The following MPV17 variants were observed in gnomAD, a reference collection of about 807,000 sequenced individuals.
MPV17 encodes the protein MPV17, mitochondrial inner membrane protein.
Under a neutral mutation model 28.6 loss-of-function variants are expected in MPV17, and 31 were observed. The ratio of observed to expected loss-of-function variants is 1.08; its 90% CI spans 0.81 to 1.46. The LOEUF (loss-of-function observed/expected upper bound fraction) is 1.46. Ranked by LOEUF, MPV17 falls within the 40% of genes most tolerant of loss-of-function variation. The pLI, the probability that MPV17 is intolerant of heterozygous loss-of-function variation, is 0.00. For missense variants in MPV17, 198 were observed against 216.2 expected (o/e 0.92, Z 0.53); for synonymous variants, 87 against 85.3 (o/e 1.02, Z -0.11).
intron 2 of MPV17, among the ~76,000 whole-genome samples, chr2:27,321,670 T>A (rs1679865095): frequency 6.6e-6 from 1 of 152,210 alleles, no homozygotes; most frequent in African/African-American, 2.4e-5. Flanking sequence ...AAAATGAAGA[T>A]GGTAACAAAT....
At chr2:27,322,824 G>T (rs2148225925) in intron 1 of MPV17, among the ~76,000 whole-genome samples, 1 of 152,232 alleles carries the variant, frequency 6.6e-6, no homozygotes, top group East Asian at 1.9e-4. Flanking sequence ...AGACACTCAT[G>T]AGGACAGCTT....
At chr2:27,316,025 T>C in intron 2 of MPV17, 2 of 1,546,884 alleles carry the variant, frequency 1.3e-6, no homozygotes, top group Non-Finnish European at 1.7e-6. Context: ...GAGGCCCCTG[T>C]GGCTGCTCCC....
intron 2 of MPV17, among the ~76,000 whole-genome samples, chr2:27,318,771 TC>T (rs1679750496): frequency 6.7e-6 from 1 of 150,316 alleles, no homozygotes; most frequent in Non-Finnish European, 1.5e-5. Flanking sequence ...TCTTTTCTTT[TC>T]TTTTTTTTTG....
chr2:27,310,594 G>T (rs540936343), intron 7 of MPV17, among the ~76,000 whole-genome samples: 1 of 152,330 alleles, frequency 6.6e-6, no homozygotes, highest in Admixed American at 6.5e-5. Context: ...GATCTGTCTT[G>T]TACCAGCTGA....
At chr2:27,319,273 G>A (rs954036278) in intron 2 of MPV17, among the ~76,000 whole-genome samples, 3 of 151,616 alleles carry the variant, frequency 2.0e-5, no homozygotes, top group Admixed American at 6.6e-5. Context: ...TCCATGTTCA[G>A]ATTATGGCAA....
At chr2:27,315,050 T>C (rs1262317521) in intron 2 of MPV17, among the ~76,000 whole-genome samples, 1 of 152,056 alleles carries the variant, frequency 6.6e-6, no homozygotes, top group African/African-American at 2.4e-5. Context: ...ACTCCCAAAG[T>C]GGTGGGGGTC....
rs146502189 is a variant in MPV17, at chr2:27,322,314, G to T, written c.70+134C>A. 2.6e-3 allele frequency: 2,129 copies of T among 832,554 alleles called. 39 individuals are homozygous for T. The East Asian group carries it at 0.041, about 16-fold the overall frequency. The allele number at this position is 832,554 out of a possible 1,614,324, so 51.6% of individuals were successfully genotyped here. On this transcript the variant is annotated intron_variant, in intron 2 of 7. Transcript: ENST00000380044. ...CACCCTCCAAAACAGACTGGGGACA[G>T]TGTAGGATGAAAGACAGCCAACCCT...
intron 7 of MPV17, chr2:27,311,697 C>A: frequency 6.4e-7 from 1 of 1,551,112 alleles, no homozygotes; most frequent in South Asian, 1.2e-5. Flanking sequence ...TGAAGAAGGT[C>A]AGTGGGCAGA....
chr2:27,312,026 C>T, intron 6 of MPV17, 75 bp from the exon 7 acceptor site: 1 of 1,558,366 alleles, frequency 6.4e-7, no homozygotes, highest in Non-Finnish European at 8.8e-7. Context: ...CCTGGCCCTA[C>T]CCCAACTTCT....
intron 7 of MPV17, chr2:27,311,544 C>A: frequency 6.6e-7 from 1 of 1,518,036 alleles, no homozygotes; most frequent in Non-Finnish European, 8.9e-7. Context: ...TCTGACCAGG[C>A]TCCTACTTGG....
chr2:27,310,490 A>C (rs186110272), intron 7 of MPV17, among the ~76,000 whole-genome samples: 2 of 152,340 alleles, frequency 1.3e-5, no homozygotes, highest in Non-Finnish European at 2.9e-5. Flanking sequence ...CCTGGCTGAG[A>C]GCCTCAAAGG....
At position 27,322,462 on chromosome 2, in the gene MPV17, TG is replaced by T. The variant is rs2148225515; in HGVS notation, c.55del (p.Gln19ArgfsTer3). On this transcript the variant is annotated frameshift_variant, in exon 2 of 8. Coordinates refer to ENST00000380044, the MANE Select transcript of MPV17 (RefSeq NM_002437.5). LOFTEE classifies it high-confidence loss of function. ...GGGACACTCACCAGCTGTCAGGACC[TG>T]TACTTTCCACGGGTGAGCGGCCAGG... ...RALAAHPWKV[Q>X]VLTAGSLMGL... is the part of the protein sequence containing the mutation. The T allele has an allele frequency of 6.2e-7, 1 of 1,614,072 alleles. No homozygotes were observed. The highest frequency in any genetic ancestry group is 1.1e-5 in the South Asian group (1 of 91,084).
intron 2 of MPV17, among the ~76,000 whole-genome samples, chr2:27,314,280 G>A (rs373169699): frequency 1.3e-5 from 2 of 152,186 alleles, no homozygotes; most frequent in South Asian, 2.1e-4. Flanking sequence ...CAGTGATCAC[G>A]CCATTACACT....
At position 27,313,000 on chromosome 2, in the gene MPV17, GC is replaced by G. The variant is rs1558599953; in HGVS notation, c.179del (p.Gly60AlafsTer7). On this transcript the variant is annotated frameshift_variant, in exon 3 of 8. Transcript: ENST00000380044. LOFTEE classifies it high-confidence loss of function. ...TGTTGAGGGGAGAACTTACCACAAA[GC>G]CACAGCCCAGGGACACCATGGTCAG... ...RTLTMVSLGC[G>X]FVGPVVGGWY... 6.2e-7 allele frequency: 1 copy of G among 1,614,196 alleles called. No homozygotes were observed. The highest frequency in any genetic ancestry group is 1.7e-5 in the Admixed American group (1 of 60,028).
rs1362329825 is a variant in MPV17 at position 27,312,712 on chromosome 2, C to G, written c.247G>C (p.Val83Leu). Residue 83 changes from valine to leucine, a missense_variant, in exon 4 of 8, where the codon GTG becomes CTG. Val to Leu is a conservative substitution (Grantham distance 32, BLOSUM62 1). Coordinates refer to ENST00000380044, the MANE Select transcript of MPV17 (RefSeq NM_002437.5). ...AACAACATCTTCTTCAGTGCATCCA[C>G]TTTGGTGGTGCCAGGGATGAACCGA... ...LDRFIPGTTKVDALKKMLLDQ... is the reference protein window; with the variant it reads ...LDRFIPGTTKLDALKKMLLDQ... 3.1e-6 allele frequency: 5 copies of G among 1,614,138 alleles called. No homozygotes were observed. In the Admixed American group the frequency reaches 5.0e-5, roughly 16 times the overall value.
intron 7 of MPV17, chr2:27,311,670 G>A (rs1380547213): frequency 1.3e-6 from 2 of 1,550,854 alleles, no homozygotes; most frequent in Admixed American, 3.9e-5. Flanking sequence ...GTAGAAGCAG[G>A]ATCCTCCCTA....
rs1043635802 is a variant in MPV17, at chr2:27,322,263, T to C, written c.70+185A>G. On this transcript the variant is annotated intron_variant, in intron 2 of 7. Coordinates refer to ENST00000380044, the MANE Select transcript of MPV17 (RefSeq NM_002437.5). ...ACTGCACAGCTTGGCCAACTACGCA[T>C]ACCCCTTAAAAACAGCCTTGGGGAC... 4 of 660,886 alleles carry C rather than the reference T, an allele frequency of 6.1e-6. No homozygotes were observed. In the African/African-American group the frequency reaches 7.1e-5, roughly 12 times the overall value. The allele number at this position is 660,886 out of a possible 1,614,324, so 40.9% of individuals were successfully genotyped here.
At chr2:27,322,661 T>C (rs1238447080) in intron 1 of MPV17, 139 bp from the exon 2 acceptor site, 1 of 698,146 alleles carries the variant, frequency 1.4e-6, no homozygotes, top group Non-Finnish European at 2.5e-6. Context: ...ACATGAAGGA[T>C]GCTTCCCAGA....
At position 27,312,547 on chromosome 2, in the gene MPV17, C is replaced by A. The variant is rs1172816470; in HGVS notation, c.322G>T (p.Val108Leu). Residue 108 changes from valine to leucine, a missense_variant, in exon 5 of 8, where the codon GTA becomes TTA. By Grantham distance (32) the Val-to-Leu change is conservative (BLOSUM62 1). Transcript: ENST00000380044. Reference protein sequence around the residue: ...PCFLGCFLPLVGALNGLSAQD... With the variant: ...PCFLGCFLPLLGALNGLSAQD... ...GCTGACAGTCCATTAAGTGCCCCTA[C>A]CAGTGGGAGAAAGCAGCCTAGAAAA... is the stretch of plus-strand genomic sequence containing the variant. The A allele has an allele frequency of 6.2e-7, 1 of 1,614,170 alleles. No individual in the cohort carries two copies. Among genetic ancestry groups the A allele is most frequent in the Non-Finnish European group, 8.5e-7 (1 of 1,179,994 alleles).
Sources: gnomAD v4.1 joint callset for allele counts (sites outside exome capture counted in the v4.1 genomes callset) on GRCh38, gnomAD v4.1.1 for gene constraint, MANE v1.5 for transcripts, NCBI Gene and HGNC (gene_info 2026-07-23, HGNC 2026-07-21) for gene names.